The following LAMA2 variants were observed in gnomAD, a reference collection of about 807,000 sequenced individuals.
The protein encoded by LAMA2 is laminin subunit alpha 2, also known as laminin subunit alpha-2.
A neutral mutation model predicts 364.8 loss-of-function variants in LAMA2; 269 were observed. That is an observed-to-expected ratio of 0.74 (90% CI 0.67 to 0.82). LAMA2 has a LOEUF of 0.82. Ranked by LOEUF, LAMA2 falls within the 40% of genes least tolerant of loss-of-function variation. LAMA2 has a pLI of 0.00. For synonymous variants in LAMA2, 1,379 were observed against 1,370.6 expected (o/e 1.01, Z -0.14); for missense variants, 3,807 against 3,873.2 (o/e 0.98, Z 0.45).
intron 40 of LAMA2, among the ~76,000 whole-genome samples, chr6:129,425,971 A>C (rs1222868705): frequency 6.6e-6 from 1 of 152,168 alleles, no homozygotes; most frequent in Non-Finnish European, 1.5e-5. Context: ...TTCTTACAAA[A>C]AGGTATTCAC....
In LAMA2 at chr6:129,502,712, C is replaced by G. The variant is rs145295628; in HGVS notation, c.8298C>G (p.Phe2766Leu). ...EPALLIGSKQ[F>L]GLSRNSHIAI... ...CTCTTTTGATAGGGAGCAAGCAGTT[C>G]GGGCTTTCAAGAAACAGTCACATTG... The change falls in exon 59 of 65, where the codon TTC (phenylalanine) becomes TTG (leucine). Residue 2766 changes from phenylalanine (F) to leucine (L), a missense_variant. Transcript: ENST00000421865. 16 of 1,613,830 alleles carry G rather than the reference C, an allele frequency of 9.9e-6. No homozygotes were observed. Among genetic ancestry groups the G allele is most frequent in the Non-Finnish European group, 2.5e-6 (3 of 1,179,924 alleles).
At chr6:129,175,727 A>T (rs1008799701) in intron 9 of LAMA2, among the ~76,000 whole-genome samples, 18 of 152,152 alleles carry the variant, frequency 1.2e-4, no homozygotes, top group African/African-American at 4.3e-4. Flanking sequence ...GCATTAGGAG[A>T]AATACCTAAT....
At chr6:129,162,075 C>T (rs369438208) in intron 8 of LAMA2, among the ~76,000 whole-genome samples, 5 of 152,226 alleles carry the variant, frequency 3.3e-5, no homozygotes, top group South Asian at 4.1e-4. Context: ...AGAAATCTCC[C>T]AACGGCTTCC....
At position 129,512,498 on chromosome 6, in the gene LAMA2, G is replaced by C. The variant is rs1374434162; in HGVS notation, c.8988+5G>C. 1 of 1,613,348 alleles carries C rather than the reference G, an allele frequency of 6.2e-7. No homozygotes were observed. The highest frequency in any genetic ancestry group is 2.2e-5 in the East Asian group (1 of 44,854). Reference sequence around the variant, plus strand: ...ATTGAAATGATTGATGAAAAGGTGAGTGTCAGCAATGCAAACATTTCTGAT... The same window carrying C: ...ATTGAAATGATTGATGAAAAGGTGACTGTCAGCAATGCAAACATTTCTGAT... On this transcript the variant is annotated splice_donor_5th_base_variant and intron_variant, in intron 63 of 64. Transcript: ENST00000421865.
At chr6:129,237,634 G>C (rs767898222) in intron 12 of LAMA2, among the ~76,000 whole-genome samples, 8 of 152,116 alleles carry the variant, frequency 5.3e-5, no homozygotes, top group Non-Finnish European at 1.2e-4. Context: ...GAATAGCCAT[G>C]TGCCCAGCTG....
At chr6:129,235,701 G>A (rs1417836942) in intron 12 of LAMA2, among the ~76,000 whole-genome samples, 1 of 152,046 alleles carries the variant, frequency 6.6e-6, no homozygotes, top group African/African-American at 2.4e-5. Context: ...ATGGGAATTG[G>A]GGAACTTAGT....
chr6:129,279,784 A>G (rs1788587086), intron 17 of LAMA2, among the ~76,000 whole-genome samples: 1 of 152,184 alleles, frequency 6.6e-6, no homozygotes, highest in African/African-American at 2.4e-5. Context: ...ATACATTTCC[A>G]CTTGTTACTG....
chr6:129,289,926 T>C (rs570060712), intron 19 of LAMA2, among the ~76,000 whole-genome samples: 12 of 152,144 alleles, frequency 7.9e-5, no homozygotes, highest in Non-Finnish European at 1.6e-4. Flanking sequence ...GGATACAATA[T>C]CACTTCTATG....
Position 129,049,240 on chromosome 6 carries a change from A to G in LAMA2, c.113-678A>G, listed in dbSNP as rs990593481. Among the ~76,000 whole-genome samples, 85 of 151,730 alleles carry G rather than the reference A, an allele frequency of 5.6e-4. 3 individuals are homozygous for G. Among genetic ancestry groups the G allele is most frequent in the Non-Finnish European group, 4.4e-5 (3 of 68,030 alleles). On this transcript the variant is annotated intron_variant, in intron 1 of 64. Coordinates refer to ENST00000421865, the MANE Select transcript of LAMA2 (RefSeq NM_000426.4). The stretch of plus-strand genomic sequence containing the variant: ...AAAATCTCCCCAGCCCTACACTTAG[A>G]TGGACCTCTGAGATCGTATCTATGA...
intron 1 of LAMA2, among the ~76,000 whole-genome samples, chr6:128,942,692 T>C (rs1452907687): frequency 2.0e-5 from 3 of 152,162 alleles, no homozygotes; most frequent in Admixed American, 2.0e-4. Context: ...CTTAATGGAA[T>C]TGTTAATATG....
intron 56 of LAMA2, among the ~76,000 whole-genome samples, chr6:129,489,929 TA>T (rs11335861): frequency 0.66 from 98,254 of 149,734 alleles, 32,517 homozygotes; most frequent in Non-Finnish European, 0.72. Flanking sequence ...ACTGAAACTG[TA>T]AAAAAAAAAA....
intron 3 of LAMA2, among the ~76,000 whole-genome samples, chr6:129,085,592 G>A (rs1039942806): frequency 3.9e-5 from 6 of 152,122 alleles, no homozygotes; most frequent in Admixed American, 1.3e-4. Flanking sequence ...AGGAACTTTG[G>A]AAGGAACATG....
intron 45 of LAMA2, among the ~76,000 whole-genome samples, chr6:129,447,804 C>A (rs1274099505): frequency 6.6e-6 from 1 of 152,128 alleles, no homozygotes; most frequent in Non-Finnish European, 1.5e-5. Flanking sequence ...TTGGAAGAAG[C>A]AATAAGAGTA....
At chr6:129,368,237 G>A (rs1777880801) in intron 33 of LAMA2, among the ~76,000 whole-genome samples, 2 of 152,200 alleles carry the variant, frequency 1.3e-5, no homozygotes, top group Non-Finnish European at 2.9e-5. Context: ...GATATTAGAA[G>A]GACACAAACA....
chr6:129,417,807 G>T (rs1780876828), intron 40 of LAMA2, among the ~76,000 whole-genome samples: 1 of 152,138 alleles, frequency 6.6e-6, no homozygotes, highest in African/African-American at 2.4e-5. Flanking sequence ...GTGCTGCCCC[G>T]AGCATATGCA....
chr6:129,410,207 CATT>C (rs1157561236), intron 40 of LAMA2, among the ~76,000 whole-genome samples: 1 of 152,132 alleles, frequency 6.6e-6, no homozygotes, highest in Admixed American at 6.5e-5. Context: ...TGTTTTGAAA[CATT>C]ATCTTCTTTC....
Position 129,454,146 on chromosome 6 carries a change from C to G in LAMA2, c.6574-9C>G, listed in dbSNP as rs374177282. The G allele has an allele frequency of 6.2e-7, 1 of 1,610,938 alleles. No homozygotes were observed. Among genetic ancestry groups the G allele is most frequent in the Non-Finnish European group, 8.5e-7 (1 of 1,177,606 alleles). On this transcript the variant is annotated splice_polypyrimidine_tract_variant and intron_variant, in intron 46 of 64. Transcript: ENST00000421865. The stretch of plus-strand genomic sequence containing the variant: ...TGATATCTCTTGTTTTTGTATTTCT[C>G]TGAACTAGATTGACTTTCTGGCTAT...
intron 32 of LAMA2, among the ~76,000 whole-genome samples, chr6:129,360,285 C>T (rs1017748329): frequency 6.6e-6 from 1 of 152,134 alleles, no homozygotes; most frequent in Non-Finnish European, 1.5e-5. Context: ...CAGATTTTCC[C>T]TATGATAGTA....
At chr6:128,969,725 A>T (rs946738606) in intron 1 of LAMA2, among the ~76,000 whole-genome samples, 47 of 152,222 alleles carry the variant, frequency 3.1e-4, no homozygotes, top group African/African-American at 1.1e-3. Context: ...GCCACCTGTG[A>T]ATTTAAAGTA....
Sources: gnomAD v4.1 joint callset for allele counts (sites outside exome capture counted in the v4.1 genomes callset) on GRCh38, gnomAD v4.1.1 for gene constraint, MANE v1.5 for transcripts, NCBI Gene and HGNC (gene_info 2026-07-23, HGNC 2026-07-21) for gene names.